The following EPM2A variants were observed in gnomAD, a reference collection of about 807,000 sequenced individuals.
EPM2A encodes the protein EPM2A glucan phosphatase, laforin.
A neutral mutation model predicts 26.5 loss-of-function variants in EPM2A; 21 were observed. The ratio of observed to expected loss-of-function variants is 0.79; its 90% confidence interval spans 0.56 to 1.14. The LOEUF (loss-of-function observed/expected upper bound fraction) is 1.14. EPM2A is among the 50% of genes most tolerant of loss of function. The pLI, the probability that EPM2A is intolerant of heterozygous loss-of-function variation, is 0.00. For missense variants in EPM2A, 458 were observed against 440.8 expected (o/e 1.04, Z -0.35); for synonymous variants, 217 against 177.6 (o/e 1.22, Z -1.76).
At chr6:145,689,067 A>T (rs1425992502) in intron 1 of EPM2A, among the ~76,000 whole-genome samples, 1 of 152,246 alleles carries the variant, frequency 6.6e-6, no homozygotes, top group Non-Finnish European at 1.5e-5. Flanking sequence ...ATATTCATAA[A>T]TTACAATGGT....
chr6:145,575,529 G>A (rs770609597), intron 2 of EPM2A, among the ~76,000 whole-genome samples: 15 of 152,110 alleles, frequency 9.9e-5, no homozygotes, highest in South Asian at 2.1e-4. Context: ...TTCTGAAGCC[G>A]GGAGATAGAA....
At chr6:145,517,837 T>A (rs763376766) in intron 2 of EPM2A, among the ~76,000 whole-genome samples, 1 of 152,140 alleles carries the variant, frequency 6.6e-6, no homozygotes, top group Non-Finnish European at 1.5e-5. Flanking sequence ...ATGAACTCAA[T>A]TAAGTGGTAG....
At chr6:145,612,855 G>C (rs943154143) in intron 2 of EPM2A, among the ~76,000 whole-genome samples, 2 of 151,794 alleles carry the variant, frequency 1.3e-5, no homozygotes, top group African/African-American at 4.8e-5. Flanking sequence ...GCTGGAGGAG[G>C]ATCTTGCCTC....
chr6:145,561,084 G>A (rs1024195266), intron 2 of EPM2A, among the ~76,000 whole-genome samples: 2 of 151,656 alleles, frequency 1.3e-5, no homozygotes, highest in African/African-American at 4.8e-5. Context: ...AAATTGTGTG[G>A]GGCAGTCCTG....
intron 2 of EPM2A, among the ~76,000 whole-genome samples, chr6:145,582,549 A>G (rs1394499147): frequency 6.6e-6 from 1 of 152,176 alleles, no homozygotes; most frequent in East Asian, 1.9e-4. Flanking sequence ...TTCCCTTTGT[A>G]AGTCACCTGC....
chr6:145,405,369 T>C (rs1053766672), intron 4 of EPM2A, among the ~76,000 whole-genome samples: 3 of 152,116 alleles, frequency 2.0e-5, no homozygotes, highest in Non-Finnish European at 4.4e-5. Flanking sequence ...GGCTGCCGGT[T>C]ACGTCATATA....
chr6:145,415,411 C>G (rs982734631), intron 4 of EPM2A, among the ~76,000 whole-genome samples: 3 of 152,342 alleles, frequency 2.0e-5, no homozygotes, highest in Admixed American at 2.0e-4. Flanking sequence ...CACAGATACT[C>G]TAGCCTTCCA....
intron 4 of EPM2A, among the ~76,000 whole-genome samples, chr6:145,388,019 A>G (rs1342989951): frequency 3.3e-5 from 5 of 152,170 alleles, no homozygotes; most frequent in African/African-American, 1.2e-4. Context: ...TGTTTGTCCC[A>G]CCTTATCCAA....
intron 2 of EPM2A, among the ~76,000 whole-genome samples, chr6:145,649,536 C>T (rs926993261): frequency 6.6e-6 from 1 of 152,082 alleles, no homozygotes; most frequent in Non-Finnish European, 1.5e-5. Flanking sequence ...ATATGTTTGA[C>T]CAGTTAGCTT....
Position 145,544,270 on chromosome 6 carries a change from C to A in EPM2A, c.341-41695G>T, listed in dbSNP as rs557764056. On this transcript the variant is annotated intron_variant, in intron 2 of 3. Coordinates refer to the EPM2A transcript ENST00000450221. ...AGCCGCATTGGCTGCTGGCAGAGGA[C>A]AAAGTCAGTGAAAGAGTGAGTCAGA... Among the ~76,000 whole-genome samples, 85 of 152,264 alleles carry A rather than the reference C, an allele frequency of 5.6e-4. 1 individual carries two copies. The highest frequency in any genetic ancestry group is 4.7e-3 in the East Asian group (24 of 5,152).
chr6:145,457,475 C>G (rs774373899), intron 4 of EPM2A, among the ~76,000 whole-genome samples: 7 of 130,770 alleles, frequency 5.4e-5, no homozygotes, highest in Non-Finnish European at 9.4e-5. Flanking sequence ...TAGAGTGACT[C>G]TGTCTCAAAA....
chr6:145,730,871 C>T (rs1236120009), intron 1 of EPM2A, among the ~76,000 whole-genome samples: 19 of 152,132 alleles, frequency 1.2e-4, no homozygotes, highest in Non-Finnish European at 2.2e-4. Flanking sequence ...AACAAATAAA[C>T]GCATGTCAGC....
chr6:145,586,954 C>A (rs866086067), intron 2 of EPM2A, among the ~76,000 whole-genome samples: 1 of 152,138 alleles, frequency 6.6e-6, no homozygotes, highest in African/African-American at 2.4e-5. Context: ...GGCAATGTTA[C>A]CCAAATCTAC....
chr6:145,675,592 T>C (rs1222213147), intron 2 of EPM2A, among the ~76,000 whole-genome samples: 1 of 152,120 alleles, frequency 6.6e-6, no homozygotes, highest in Non-Finnish European at 1.5e-5. Flanking sequence ...TGGAGGAAGA[T>C]CTACCAAGTA....
At chr6:145,390,804 G>A (rs946329093) in intron 4 of EPM2A, among the ~76,000 whole-genome samples, 1 of 149,896 alleles carries the variant, frequency 6.7e-6, no homozygotes, top group Non-Finnish European at 1.5e-5. Context: ...GGTTTATTAT[G>A]ACTGACCAGC....
At chr6:145,482,731 A>G (rs1479018275) in intron 4 of EPM2A, among the ~76,000 whole-genome samples, 2 of 151,918 alleles carry the variant, frequency 1.3e-5, no homozygotes, top group Non-Finnish European at 2.9e-5. Context: ...TACAACGAGA[A>G]CCCATTTTGC....
At chr6:145,442,589 G>T (rs1779079209) in intron 4 of EPM2A, among the ~76,000 whole-genome samples, 1 of 152,152 alleles carries the variant, frequency 6.6e-6, no homozygotes. Context: ...ATCTCCCATT[G>T]GGTCCTTCCA....
chr6:145,494,082 G>T (rs2114744161), intron 4 of EPM2A, among the ~76,000 whole-genome samples: 1 of 152,238 alleles, frequency 6.6e-6, no homozygotes, highest in African/African-American at 2.4e-5. Flanking sequence ...GTGTACATCT[G>T]GTAGAATTCA....
chr6:145,567,817 T>C (rs1346468320), intron 2 of EPM2A, among the ~76,000 whole-genome samples: 2 of 152,224 alleles, frequency 1.3e-5, no homozygotes, highest in African/African-American at 4.8e-5. Context: ...AGCCCAGCCA[T>C]CACTCTCTCA....
Sources: gnomAD v4.1 joint callset for allele counts (sites outside exome capture counted in the v4.1 genomes callset) on GRCh38, gnomAD v4.1.1 for gene constraint, MANE v1.5 for transcripts, NCBI Gene and HGNC (gene_info 2026-07-23, HGNC 2026-07-21) for gene names.